ZSWIM6: variants seen among roughly 807,000 people sequenced by gnomAD.
The protein encoded by ZSWIM6 is zinc finger SWIM-type containing 6.
ZSWIM6 carries 9 observed loss-of-function variants against 113.2 expected under a neutral mutation model. The ratio of observed to expected loss-of-function variants is 0.08; its 90% confidence interval spans 0.05 to 0.14. The LOEUF (loss-of-function observed/expected upper bound fraction) is 0.14. Among genes scored for constraint, ZSWIM6 ranks in the 10% least tolerant of loss-of-function variants. The pLI is 1.00. For missense variants in ZSWIM6, 1,162 were observed against 1,552.2 expected (o/e 0.75, Z 4.22); for synonymous variants, 611 against 606.5 (o/e 1.01, Z -0.11).
At chr5:61,339,977 G>A (rs1013314045) in intron 1 of ZSWIM6, among the ~76,000 whole-genome samples, 1 of 152,158 alleles carries the variant, frequency 6.6e-6, no homozygotes. Context: ...GTCTTGTCTT[G>A]TGAAGAGACG....
intron 1 of ZSWIM6, among the ~76,000 whole-genome samples, chr5:61,388,015 C>T (rs1345930336): frequency 2.2e-5 from 3 of 139,104 alleles, no homozygotes; most frequent in African/African-American, 8.2e-5. Flanking sequence ...TGGAGTCTTG[C>T]TCTGTTGCCC....
intron 1 of ZSWIM6, among the ~76,000 whole-genome samples, chr5:61,414,053 G>A (rs1008419750): frequency 2.8e-4 from 42 of 152,066 alleles, no homozygotes; most frequent in African/African-American, 9.9e-4. Context: ...AGGAGAAATG[G>A]ACAGGGCAAA....
intron 1 of ZSWIM6, among the ~76,000 whole-genome samples, chr5:61,336,167 G>C (rs1028428383): frequency 6.6e-6 from 1 of 152,104 alleles, no homozygotes; most frequent in African/African-American, 2.4e-5. Context: ...GGGAGGCTGA[G>C]GTGGAAGGAT....
intron 7 of ZSWIM6, among the ~76,000 whole-genome samples, chr5:61,528,217 T>G (rs968006454): frequency 6.6e-6 from 1 of 152,164 alleles, no homozygotes; most frequent in Non-Finnish European, 1.5e-5. Flanking sequence ...GAATATCTTA[T>G]ACATTTTCAA....
chr5:61,494,182 T>G, intron 3 of ZSWIM6, 78 bp from the exon 4 acceptor site: 2 of 1,427,504 alleles, frequency 1.4e-6, no homozygotes, highest in Non-Finnish European at 1.9e-6. Context: ...AAGTGGTGGT[T>G]TGTCTCTTGT....
intron 1 of ZSWIM6, among the ~76,000 whole-genome samples, chr5:61,433,232 T>G (rs2112137599): frequency 6.6e-6 from 1 of 152,334 alleles, no homozygotes; most frequent in Non-Finnish European, 1.5e-5. Flanking sequence ...AGAAAATTTC[T>G]ATATTAATTT....
intron 1 of ZSWIM6, among the ~76,000 whole-genome samples, chr5:61,452,900 T>C (rs1383180971): frequency 1.3e-5 from 2 of 152,218 alleles, no homozygotes; most frequent in Non-Finnish European, 2.9e-5. Context: ...TCCTTGTCTT[T>C]TATGACCTTG....
chr5:61,382,697 C>T (rs763826574), intron 1 of ZSWIM6, among the ~76,000 whole-genome samples: 3 of 151,840 alleles, frequency 2.0e-5, no homozygotes, highest in Non-Finnish European at 4.4e-5. Context: ...CCCAGCTACT[C>T]GGAAGGCTGA....
rs899895134 is a variant in ZSWIM6, at chr5:61,516,463, CTA to C, written c.1334-4785_1334-4784del. Among the ~76,000 whole-genome samples the C allele has an allele frequency of 6.3e-3, 882 of 140,536 alleles. 8 individuals are homozygous for C. Among genetic ancestry groups the C allele is most frequent in the Admixed American group, 0.012 (172 of 13,968 alleles). The allele number at this position is 140,536 out of a possible 152,430, so 92.2% of individuals were successfully genotyped here. A position where few individuals can be genotyped will look rare whatever the true frequency, so the allele number is the denominator to read the frequency against. ...ATATACATATATATATATATAAAAA[CTA>C]TATATATATATATAGTTTTGTGGTT... On this transcript the variant is annotated intron_variant, in intron 4 of 13. Transcript: ENST00000252744.
chr5:61,364,598 G>A (rs1039712751), intron 1 of ZSWIM6, among the ~76,000 whole-genome samples: 3 of 152,164 alleles, frequency 2.0e-5, no homozygotes, highest in Admixed American at 2.0e-4. Flanking sequence ...TAAACTGGAT[G>A]GCTTATAAAC....
chr5:61,423,969 T>C (rs1746408637), intron 1 of ZSWIM6, among the ~76,000 whole-genome samples: 1 of 152,226 alleles, frequency 6.6e-6, no homozygotes, highest in Non-Finnish European at 1.5e-5. Context: ...CTCTGTGTCC[T>C]TAAATTCCTG....
At position 61,502,890 on chromosome 5, in the gene ZSWIM6, C is replaced by T. The variant is rs141955747; in HGVS notation, c.1333+8480C>T. On this transcript the variant is annotated intron_variant, in intron 4 of 13. Transcript: ENST00000252744. ...ATAGTTTCATCCCAAAACCATGCCC[C>T]GGCAACTGCCACCCCGCCCCCGCCA... Among the ~76,000 whole-genome samples, 101 of 152,272 alleles carry T rather than the reference C, an allele frequency of 6.6e-4. 2 individuals carry two copies. In the East Asian group the frequency reaches 0.016, roughly 24 times the overall value.
chr5:61,528,777 G>A (rs892461775), intron 7 of ZSWIM6, among the ~76,000 whole-genome samples: 5 of 151,902 alleles, frequency 3.3e-5, no homozygotes, highest in Non-Finnish European at 4.4e-5. Flanking sequence ...TAGTACAGAC[G>A]GGGTTTCACC....
chr5:61,511,767 T>C (rs1228271515), intron 4 of ZSWIM6, among the ~76,000 whole-genome samples: 1 of 152,148 alleles, frequency 6.6e-6, no homozygotes, highest in Non-Finnish European at 1.5e-5. Context: ...TATGGTATTT[T>C]TGTTATAGCA....
intron 1 of ZSWIM6, among the ~76,000 whole-genome samples, chr5:61,394,141 C>G (rs1286416726): frequency 6.6e-6 from 1 of 152,146 alleles, no homozygotes; most frequent in Non-Finnish European, 1.5e-5. Context: ...GGAGACAAAG[C>G]CATATAAATG....
At chr5:61,432,970 A>G (rs996883158) in intron 1 of ZSWIM6, among the ~76,000 whole-genome samples, 2 of 152,214 alleles carry the variant, frequency 1.3e-5, no homozygotes, top group Non-Finnish European at 2.9e-5. Flanking sequence ...GAAAGAACAC[A>G]TGCTTTGTTT....
At chr5:61,531,275 T>C (rs1749421576) in intron 8 of ZSWIM6, among the ~76,000 whole-genome samples, 190 bp from the exon 9 acceptor site, 1 of 152,232 alleles carries the variant, frequency 6.6e-6, no homozygotes, top group African/African-American at 2.4e-5. Context: ...ACGTAAACAT[T>C]TAATCATTCA....
intron 1 of ZSWIM6, 61 bp downstream of exon 1, chr5:61,333,009 G>GGGGCCC: frequency 1.6e-5 from 7 of 439,838 alleles, no homozygotes; most frequent in Non-Finnish European, 1.6e-5. Context: ...TGGGGGGGGG[G>GGGGCCC]TGCCCGCCTT....
chr5:61,430,470 T>G (rs192655170), intron 1 of ZSWIM6, among the ~76,000 whole-genome samples: 2 of 152,320 alleles, frequency 1.3e-5, no homozygotes, highest in Admixed American at 1.3e-4. Flanking sequence ...AGATCTTATA[T>G]TTTACATAAT....
Sources: gnomAD v4.1 joint callset for allele counts (sites outside exome capture counted in the v4.1 genomes callset) on GRCh38, gnomAD v4.1.1 for gene constraint, MANE v1.5 for transcripts, NCBI Gene and HGNC (gene_info 2026-07-23, HGNC 2026-07-21) for gene names.